The following PPM1L variants were observed in gnomAD, a reference collection of about 807,000 sequenced individuals.
PPM1L encodes the protein protein phosphatase, Mg2+/Mn2+ dependent 1L.
Under a neutral mutation model 31.4 loss-of-function variants are expected in PPM1L, and 13 were observed. That is an observed-to-expected ratio of 0.41 (90% confidence interval 0.27 to 0.66). The LOEUF (loss-of-function observed/expected upper bound fraction) is 0.66, where lower values mean the gene tolerates loss of function less well. PPM1L is among the 30% of genes least tolerant of loss of function. The probability of loss-of-function intolerance (pLI) is 0.29; values close to 1 mark genes in which losing one functional copy is unlikely to be tolerated. For missense variants in PPM1L, 326 were observed against 453.7 expected, an observed-to-expected ratio of 0.72 and a Z score of 2.56; for synonymous variants, 184 against 175.4, an observed-to-expected ratio of 1.05 and a Z score of -0.39.
Position 160,934,647 on chromosome 3 carries a change from A to G in PPM1L, c.400-27089A>G, listed in dbSNP as rs192768739. 4.2e-3 allele frequency among the ~76,000 whole-genome samples: 643 copies of G among 152,192 alleles called. 5 individuals carry two copies. The highest frequency in any genetic ancestry group is 0.014 in the African/African-American group (590 of 41,514). ...GAACTTTTTTTTTCCAGTTACCAAT[A>G]TACTATAAATATTTTACATCATTGG... On this transcript the variant is annotated intron_variant, in intron 1 of 3. Transcript: ENST00000498165.
intron 1 of PPM1L, among the ~76,000 whole-genome samples, chr3:160,899,830 A>T (rs1240160459): frequency 6.6e-6 from 1 of 152,184 alleles, no homozygotes; most frequent in Non-Finnish European, 1.5e-5. Flanking sequence ...TTTGAAGTGA[A>T]TATTTAAATG....
chr3:160,873,977 A>G (rs1361518246), intron 1 of PPM1L, among the ~76,000 whole-genome samples: 2 of 152,198 alleles, frequency 1.3e-5, no homozygotes, highest in African/African-American at 4.8e-5. Flanking sequence ...TTTTATATCA[A>G]AATTGTAGAG....
chr3:161,069,103 T>C lies in PPM1L; in HGVS notation c.1029T>C (p.Asn343=), dbSNP rs996123740. The C allele has an allele frequency of 1.2e-6, 2 of 1,614,006 alleles. No individual in the cohort carries two copies. The highest frequency in any genetic ancestry group is 2.7e-5 in the African/African-American group (2 of 74,914). Residue 343 remains asparagine, a synonymous_variant, in exon 4 of 4, where the codon AAT becomes AAC. Transcript: ENST00000498165. ...LQSFYRGCPD[N]ITVMVVKFRN... The stretch of plus-strand genomic sequence containing the variant: ...CATTTTACAGAGGCTGCCCTGACAA[T>C]ATAACAGTCATGGTGGTGAAGTTCA...
intron 1 of PPM1L, among the ~76,000 whole-genome samples, chr3:160,854,076 A>G (rs1711602062): frequency 1.3e-5 from 2 of 152,332 alleles, no homozygotes; most frequent in South Asian, 2.1e-4. Flanking sequence ...TTGGCATGCC[A>G]GGCAGGTGGT....
At chr3:160,923,986 C>T (rs941846252) in intron 1 of PPM1L, among the ~76,000 whole-genome samples, 1 of 152,158 alleles carries the variant, frequency 6.6e-6, no homozygotes, top group Non-Finnish European at 1.5e-5. Context: ...CATCTGTGTG[C>T]CCCCTTTAGA....
intron 1 of PPM1L, among the ~76,000 whole-genome samples, chr3:160,768,488 A>C (rs115107632): frequency 0.019 from 2,906 of 152,270 alleles, 68 homozygotes; most frequent in African/African-American, 0.058. Flanking sequence ...CTCTTCCCCC[A>C]AAATTAAATA....
At chr3:160,775,530 T>C (rs577862734) in intron 1 of PPM1L, among the ~76,000 whole-genome samples, 1 of 152,292 alleles carries the variant, frequency 6.6e-6, no homozygotes, top group African/African-American at 2.4e-5. Flanking sequence ...AAAATGTAGA[T>C]TAAATATGTA....
rs1348036974 is a variant in PPM1L at position 160,963,740 on chromosome 3, C to T, written c.574+1830C>T. On this transcript the variant is annotated intron_variant, in intron 2 of 3. Transcript: ENST00000498165. ...ACATTAGCTGCAATCACCCACCACT[C>T]AATTTTTTCCTGCTTCAGACATAAT... 1.2e-4 allele frequency among the ~76,000 whole-genome samples: 19 copies of T among 152,006 alleles called. No homozygotes were observed. The Admixed American group carries it at 1.3e-3, about 10-fold the overall frequency.
intron 1 of PPM1L, among the ~76,000 whole-genome samples, chr3:160,780,213 G>A (rs1270361932): frequency 6.6e-6 from 1 of 151,882 alleles, no homozygotes; most frequent in Non-Finnish European, 1.5e-5. Flanking sequence ...GATTAATTTG[G>A]GACAAAGGAT....
chr3:160,779,446 G>A (rs1160568401), intron 1 of PPM1L, among the ~76,000 whole-genome samples: 2 of 152,162 alleles, frequency 1.3e-5, no homozygotes, highest in Non-Finnish European at 1.5e-5. Flanking sequence ...TCACTGAGTG[G>A]TGAGGGGCAG....
intron 2 of PPM1L, among the ~76,000 whole-genome samples, chr3:160,976,683 T>C (rs1716593013): frequency 6.6e-6 from 1 of 152,248 alleles, no homozygotes; most frequent in South Asian, 2.1e-4. Flanking sequence ...TAGTATTCTC[T>C]GATGGTAGTT....
At chr3:160,799,947 A>G (rs1162198255) in intron 1 of PPM1L, among the ~76,000 whole-genome samples, 3 of 152,050 alleles carry the variant, frequency 2.0e-5, no homozygotes, top group Non-Finnish European at 4.4e-5. Context: ...TCTCACAAGG[A>G]TAGGGACTTT....
chr3:160,812,268 A>G (rs956142090), intron 1 of PPM1L, among the ~76,000 whole-genome samples: 1 of 152,128 alleles, frequency 6.6e-6, no homozygotes, highest in African/African-American at 2.4e-5. Flanking sequence ...ATAATTGTGC[A>G]TTAATTGGGT....
chr3:161,026,655 G>A (rs960665880), intron 2 of PPM1L, among the ~76,000 whole-genome samples: 4 of 151,104 alleles, frequency 2.6e-5, no homozygotes, highest in Non-Finnish European at 5.9e-5. Context: ...CCGAGACCAC[G>A]CCACTGCACT....
At chr3:160,983,925 G>A (rs1716882188) in intron 2 of PPM1L, among the ~76,000 whole-genome samples, 1 of 152,164 alleles carries the variant, frequency 6.6e-6, no homozygotes, top group Non-Finnish European at 1.5e-5. Flanking sequence ...TAGGGTGTGG[G>A]TCACAGAGAT....
chr3:161,012,068 G>T (rs1477837224), intron 2 of PPM1L, among the ~76,000 whole-genome samples: 1 of 152,188 alleles, frequency 6.6e-6, no homozygotes, highest in African/African-American at 2.4e-5. Context: ...AATAGGAGTG[G>T]TGAGAGAGGG....
At chr3:160,929,311 T>A (rs1714705823) in intron 1 of PPM1L, among the ~76,000 whole-genome samples, 1 of 152,132 alleles carries the variant, frequency 6.6e-6, no homozygotes, top group Non-Finnish European at 1.5e-5. Flanking sequence ...ATTATCAGAG[T>A]AGAATGGCCA....
intron 2 of PPM1L, among the ~76,000 whole-genome samples, chr3:160,976,741 T>TG (rs1413405693): frequency 2.0e-5 from 3 of 152,224 alleles, no homozygotes; most frequent in African/African-American, 7.2e-5. Context: ...CATTTTTTAT[T>TG]GCGTCCATTT....
rs1720048991 is a variant in PPM1L, at chr3:161,074,729, T to C, written c.*5572T>C. On this transcript the variant is annotated 3_prime_UTR_variant, in exon 4 of 4. Coordinates refer to ENST00000498165, the MANE Select transcript of PPM1L (RefSeq NM_139245.4). ...TGATTATTGATAATTTTTATGTGTT[T>C]AGTAATAACCACAGCATCATACGTA... 6.6e-6 allele frequency: 1 copy of C among 152,164 alleles called. No homozygotes were observed. The highest frequency in any genetic ancestry group is 2.1e-4 in the South Asian group (1 of 4,832). 9.4% of individuals were successfully genotyped at this position (152,164 alleles called of 1,614,324 possible).
Sources: allele counts gnomAD v4.1 joint callset (sites outside exome capture counted in the v4.1 genomes callset), GRCh38; gene constraint gnomAD v4.1.1; transcripts MANE v1.5; gene names NCBI Gene and HGNC (gene_info 2026-07-23, HGNC 2026-07-21).